CACNA2D4: variants seen among roughly 807,000 people sequenced by gnomAD.
CACNA2D4 encodes calcium voltage-gated channel auxiliary subunit alpha2delta 4.
CACNA2D4 carries 157 observed loss-of-function variants against 163.8 expected under a neutral mutation model. That is an observed-to-expected ratio of 0.96 (90% CI 0.84 to 1.09). CACNA2D4 has a LOEUF of 1.09. CACNA2D4 is among the 50% of genes least tolerant of loss of function. The pLI is 0.00. For synonymous variants in CACNA2D4, 598 were observed against 586.9 expected (o/e 1.02, Z -0.27); for missense variants, 1,410 against 1,479.9 (o/e 0.95, Z 0.78).
Position 1,811,690 on chromosome 12 carries a change from T to C in CACNA2D4, c.2585A>G (p.Gln862Arg). The change falls in exon 27 of 38, where the codon CAG (glutamine) becomes CGG (arginine). Residue 862 changes from glutamine to arginine, a missense_variant. Physicochemically the swap from Gln to Arg is conservative, Grantham distance 43. Coordinates refer to ENST00000382722, the MANE Select transcript of CACNA2D4 (RefSeq NM_172364.5). ...CCGCGTTGCCGCCCAGAATTTGCGC[T>C]GGAGGAATTCCAGCTTCATTTGGAC... Reference protein sequence around the residue: ...AGVQMKLEFLQRKFWAATRQC... With the variant: ...AGVQMKLEFLRRKFWAATRQC... 1 of 1,561,208 alleles carries C rather than the reference T, an allele frequency of 6.4e-7. No individual in the cohort carries two copies. The highest frequency in any genetic ancestry group is 8.7e-7 in the Non-Finnish European group (1 of 1,152,206).
chr12:1,897,795 T>C (rs1365887088), intron 6 of CACNA2D4, among the ~76,000 whole-genome samples: 1 of 152,174 alleles, frequency 6.6e-6, no homozygotes, highest in Non-Finnish European at 1.5e-5. Flanking sequence ...TTGTAGGAGT[T>C]AATAAGGATC....
At chr12:1,822,651 G>A (rs1864153467) in intron 26 of CACNA2D4, among the ~76,000 whole-genome samples, 1 of 152,230 alleles carries the variant, frequency 6.6e-6, no homozygotes, top group Admixed American at 6.5e-5. Flanking sequence ...GGGTGAGGAT[G>A]GGGCATGTGT....
chr12:1,845,838 C>G (rs918347347), intron 24 of CACNA2D4, among the ~76,000 whole-genome samples: 1 of 152,198 alleles, frequency 6.6e-6, no homozygotes, highest in African/African-American at 2.4e-5. Flanking sequence ...CCCTGTGCAT[C>G]ATGGGATGTT....
At chr12:1,860,120 T>C in intron 19 of CACNA2D4, 25 bp downstream of exon 19, 3 of 1,594,602 alleles carry the variant, frequency 1.9e-6, no homozygotes, top group Non-Finnish European at 2.6e-6. Flanking sequence ...CCTCACCCCG[T>C]GCAAATAAAG....
intron 35 of CACNA2D4, among the ~76,000 whole-genome samples, chr12:1,796,828 G>C (rs1041911996): frequency 2.0e-5 from 3 of 152,204 alleles, no homozygotes; most frequent in Non-Finnish European, 4.4e-5. Context: ...GGTGCGGGGG[G>C]TCAGCAGGAG....
At chr12:1,887,167 C>A (rs1866169024) in intron 6 of CACNA2D4, 98 bp from the exon 7 acceptor site, 3 of 789,928 alleles carry the variant, frequency 3.8e-6, no homozygotes, top group Admixed American at 4.0e-5. Flanking sequence ...ATCCCCAGGG[C>A]AGAACAGCTT....
chr12:1,836,649 G>T (rs905230564), intron 26 of CACNA2D4: 2 of 152,500 alleles, frequency 1.3e-5, no homozygotes, highest in Admixed American at 6.5e-5. Context: ...GGAGGGCATT[G>T]TCAATGGTGG....
In CACNA2D4 at chr12:1,875,278, T is replaced by G; in HGVS notation, c.1779A>C (p.Glu593Asp). Residue 593 changes from glutamate (E) to aspartate (D), a missense_variant, in exon 17 of 38, where the codon GAA (glutamate) becomes GAC (aspartate). Coordinates refer to ENST00000382722, the MANE Select transcript of CACNA2D4 (RefSeq NM_172364.5). This position sits in a 1 kb window ranked among gnomAD's most constrained non-coding sequence, Gnocchi z 4.0. Reference protein sequence around the residue: ...KPNYNSVDLSEVEWEDQAESL... With the variant: ...KPNYNSVDLSDVEWEDQAESL... ...ATTCAGCCTGGTCTTCCCACTCCAC[T>G]TCGGAGAGATCCACACTGTTGTAGT... 1 of 1,590,174 alleles carries G rather than the reference T, an allele frequency of 6.3e-7. No individual in the cohort carries two copies. Among genetic ancestry groups the G allele is most frequent in the African/African-American group, 1.4e-5 (1 of 70,838 alleles).
intron 26 of CACNA2D4, among the ~76,000 whole-genome samples, chr12:1,838,181 T>C (rs1207236274): frequency 6.6e-6 from 1 of 152,222 alleles, no homozygotes; most frequent in Admixed American, 6.5e-5. Flanking sequence ...ATAAACCACC[T>C]GCTTAGGGAT....
intron 29 of CACNA2D4, among the ~76,000 whole-genome samples, chr12:1,808,120 G>A (rs2154445722): frequency 6.6e-6 from 1 of 152,268 alleles, no homozygotes; most frequent in East Asian, 1.9e-4. Flanking sequence ...GGACCAAAGT[G>A]GCCCAGTGGG....
intron 2 of CACNA2D4, among the ~76,000 whole-genome samples, chr12:1,913,846 T>A (rs1375784906): frequency 6.6e-6 from 1 of 152,272 alleles, no homozygotes; most frequent in Non-Finnish European, 1.5e-5. Context: ...TTTCCTCATC[T>A]GTAAGATGTG....
chr12:1,911,187 C>T (rs1369904914), intron 3 of CACNA2D4, among the ~76,000 whole-genome samples: 1 of 151,960 alleles, frequency 6.6e-6, no homozygotes, highest in African/African-American at 2.4e-5. Context: ...CCATACCCAG[C>T]TAATTTTTGT....
rs1287980257 is a variant in CACNA2D4, at chr12:1,879,026, C to T, written c.1574G>A (p.Gly525Asp). 2 of 1,613,690 alleles carry T rather than the reference C, an allele frequency of 1.2e-6. No homozygotes were observed. Among genetic ancestry groups the T allele is most frequent in the Non-Finnish European group, 1.7e-6 (2 of 1,179,726 alleles). Reference sequence around the variant, plus strand: ...TGAGCCCACCACACCCAGGAGAATGCCATGGGATCGCTGGAAGGAAAGACA... The same window carrying T: ...TGAGCCCACCACACCCAGGAGAATGTCATGGGATCGCTGGAAGGAAAGACA... The part of the protein sequence containing the change: ...FSKKNETRSH[G>D]ILLGVVGSDV... Residue 525 changes from glycine to aspartate, a missense_variant, in exon 15 of 38, where the codon GGC becomes GAC. Gly to Asp is a moderately conservative substitution (Grantham distance 94). Transcript: ENST00000382722.
intron 2 of CACNA2D4, 41 bp from the exon 3 acceptor site, chr12:1,913,180 G>C: frequency 7.2e-7 from 1 of 1,395,494 alleles, no homozygotes; most frequent in Non-Finnish European, 1.0e-6. Flanking sequence ...ATGTGGTTTT[G>C]TACCAGGATA....
At position 1,884,891 on chromosome 12, in the gene CACNA2D4, G is replaced by T; in HGVS notation, c.1159-10C>A. 6.2e-7 allele frequency: 1 copy of T among 1,610,144 alleles called. No individual in the cohort carries two copies. ...GCTTGGCCTCTTGGAACTGTGTAGG[G>T]AAGAGGAGTGCCCATGACCACAGGC... On this transcript the variant is annotated splice_polypyrimidine_tract_variant and intron_variant, in intron 10 of 37. Transcript: ENST00000382722.
chr12:1,907,863 C>A lies in CACNA2D4; in HGVS notation c.649+12G>T. The A allele has an allele frequency of 6.2e-7, 1 of 1,613,740 alleles. No individual in the cohort carries two copies. The highest frequency in any genetic ancestry group is 1.1e-5 in the South Asian group (1 of 91,048). On this transcript the variant is annotated intron_variant, in intron 5 of 37. Transcript: ENST00000382722. ...GCCTGGTGAGTGTGCCTGAGCTGAG[C>A]GTGCCGGCTACCTTTGTTGTACACG...
chr12:1,808,022 T>C (rs79845762), intron 29 of CACNA2D4, among the ~76,000 whole-genome samples: 3,158 of 150,278 alleles, frequency 0.021, 74 homozygotes, highest in East Asian at 0.12. Context: ...CTCTGAGTAA[T>C]TGATTGCTAC....
Position 1,793,513 on chromosome 12 carries a change from A to C in CACNA2D4, c.*142T>G, listed in dbSNP as rs1863031876. 1 of 725,900 alleles carries C rather than the reference A, an allele frequency of 1.4e-6. No homozygotes were observed. The highest frequency in any genetic ancestry group is 2.5e-6 in the Non-Finnish European group (1 of 402,646). 45.0% of individuals were successfully genotyped at this position (725,900 alleles called of 1,614,324 possible). A position where few individuals can be genotyped will look rare whatever the true frequency, so the allele number is the denominator to read the frequency against. On this transcript the variant is annotated 3_prime_UTR_variant, in exon 38 of 38. Transcript: ENST00000382722. Reference sequence around the variant, plus strand: ...GTTCCATCCAGCATTCTCCGGAGCCAGGGGCCACCAGCCCAGGATTGAGAG... The same window carrying C: ...GTTCCATCCAGCATTCTCCGGAGCCCGGGGCCACCAGCCCAGGATTGAGAG...
chr12:1,870,504 TG>T (rs1435344537), intron 18 of CACNA2D4, among the ~76,000 whole-genome samples: 1 of 151,886 alleles, frequency 6.6e-6, no homozygotes, highest in Non-Finnish European at 1.5e-5. Flanking sequence ...CCAGACAGAC[TG>T]GGGAGTGCCC....
Sources: allele counts gnomAD v4.1 joint callset (sites outside exome capture counted in the v4.1 genomes callset), GRCh38; gene constraint gnomAD v4.1.1; non-coding constraint Gnocchi (gnomAD v3.1); transcripts MANE v1.5; gene names NCBI Gene and HGNC (gene_info 2026-07-23, HGNC 2026-07-21).